MYO1C: variants seen among roughly 807,000 people sequenced by gnomAD.
MYO1C encodes myosin IC, also known as unconventional myosin-Ic.
A neutral mutation model predicts 150.8 loss-of-function variants in MYO1C; 104 were observed. The ratio of observed to expected loss-of-function variants is 0.69; its 90% CI spans 0.59 to 0.81. The LOEUF (loss-of-function observed/expected upper bound fraction) is 0.81. MYO1C is among the 30% of genes least tolerant of loss of function. The probability of loss-of-function intolerance (pLI) is 0.00; values close to 1 mark genes in which losing one functional copy is unlikely to be tolerated. For synonymous variants in MYO1C, 663 were observed against 579.9 expected, an observed-to-expected ratio of 1.14 and a Z score of -2.06; for missense variants, 1,504 against 1,435.0, an observed-to-expected ratio of 1.05 and a Z score of -0.78.
Position 1,492,567 on chromosome 17 carries a change from C to G in MYO1C, c.-80G>C. 1 of 1,361,336 alleles carries G rather than the reference C, an allele frequency of 7.3e-7. No individual in the cohort carries two copies. Among genetic ancestry groups the G allele is most frequent in the Middle Eastern group, 2.3e-4 (1 of 4,296 alleles). The allele number at this position is 1,361,336 out of a possible 1,614,324, so 84.3% of individuals were successfully genotyped here. Reference sequence around the variant, plus strand: ...CCTGCCCACTGGCGGGCTCCGACCACTCCGGGACCAGGAACCTACGGTCTA... The same window carrying G: ...CCTGCCCACTGGCGGGCTCCGACCAGTCCGGGACCAGGAACCTACGGTCTA... On this transcript the variant is annotated 5_prime_UTR_variant, in exon 1 of 32. Coordinates refer to ENST00000648651, the MANE Select transcript of MYO1C (RefSeq NM_001080779.2).
Position 1,468,269 on chromosome 17 carries a change from C to G in MYO1C, c.2744G>C (p.Gly915Ala). ...EISPRVLQAL[G>A]SEPIQYAVPV... ...GGCTCTTACCTGAATGGGCTCAGAG[C>G]CCAAGGCCTGCAGCACTCGGGGGCT... Residue 915 changes from glycine (G) to alanine (A), a missense_variant, in exon 27 of 32, where the codon GGC (glycine) becomes GCC (alanine). Gly to Ala is a moderately conservative substitution (Grantham distance 60). Transcript: ENST00000648651. 6.2e-7 allele frequency: 1 copy of G among 1,613,684 alleles called. No individual in the cohort carries two copies. The highest frequency in any genetic ancestry group is 8.5e-7 in the Non-Finnish European group (1 of 1,179,968).
chr17:1,483,494 T>A (rs918708673), intron 3 of MYO1C, 116 bp downstream of exon 3: 7 of 751,056 alleles, frequency 9.3e-6, no homozygotes, highest in Non-Finnish European at 1.3e-5. Context: ...GACTGTGGGA[T>A]TCCTCACAGA....
At chr17:1,477,480 C>T (rs1206952175) in intron 14 of MYO1C, 25 bp downstream of exon 14, 2 of 1,609,222 alleles carry the variant, frequency 1.2e-6, no homozygotes, top group Non-Finnish European at 1.7e-6. Context: ...GCCCTTGCCC[C>T]CAGCAGCCCC....
In MYO1C at chr17:1,474,648, C is replaced by T. The variant is rs559019503; in HGVS notation, c.1759G>A (p.Asp587Asn). Residue 587 changes from aspartate (D) to asparagine (N), a missense_variant, in exon 17 of 32, where the codon GAC becomes AAC. By Grantham distance (23) the Asp-to-Asn change is conservative. Transcript: ENST00000648651. ...TTCTTGTCACTGAGCTCGCTCCGGT[C>T]AAAGCACTGGCTCATAATGGGATTC... ...SKNPIMSQCFDRSELSDKKRP... is the reference protein window; with the variant it reads ...SKNPIMSQCFNRSELSDKKRP... The T allele has an allele frequency of 5.6e-6, 9 of 1,613,990 alleles. No individual in the cohort carries two copies. The highest frequency in any genetic ancestry group is 2.7e-5 in the African/African-American group (2 of 75,010).
Position 1,478,105 on chromosome 17 carries a change from G to A in MYO1C, c.1383C>T (p.Tyr461=), listed in dbSNP as rs371390190. The A allele has an allele frequency of 2.9e-5, 47 of 1,613,964 alleles. No homozygotes were observed. The highest frequency in any genetic ancestry group is 1.3e-4 in the East Asian group (6 of 44,890). Residue 461 remains tyrosine, a synonymous_variant, in exon 12 of 32, where the codon TAC becomes TAT. Coordinates refer to ENST00000648651, the MANE Select transcript of MYO1C (RefSeq NM_001080779.2). This position sits in a 1 kb window ranked among gnomAD's most constrained non-coding sequence, Gnocchi z 6.3. ...CACACACCGCGATGCCCTCTGCCTC[G>A]TACTCCTCCTGCTCCGACTTGAGCG... is the stretch of plus-strand genomic sequence containing the variant. ...ELTLKSEQEE[Y]EAEGIAWEPV...
rs1284377734 is a variant in MYO1C at position 1,467,533 on chromosome 17, G to C, written c.3012C>G (p.Thr1004=). 2 of 1,613,548 alleles carry C rather than the reference G, an allele frequency of 1.2e-6. No homozygotes were observed. Among genetic ancestry groups the C allele is most frequent in the Admixed American group, 1.7e-5 (1 of 60,006 alleles). The part of the protein sequence containing the change: ...LQSDHVIETL[T]KTALSANRVN... ...CGCGGTTGGCACTGAGGGCTGTCTT[G>C]GTCAGCGTCTCAATCACGTGGTCAC... is the stretch of plus-strand genomic sequence containing the variant. The change falls in exon 30 of 32, where the codon ACC becomes ACG. Residue 1004 remains threonine (T), a synonymous_variant. Transcript: ENST00000648651.
chr17:1,470,199 G>A lies in MYO1C; in HGVS notation c.2502C>T (p.Pro834=), dbSNP rs1254361995. Residue 834 remains proline (P), a synonymous_variant, in exon 24 of 32, where the codon CCC becomes CCT. Transcript: ENST00000648651. ...LPQNVLDTSW[P]TPPPALREAS... ...CCTCACGCAGGGCAGGTGGGGGCGTGGGCCACGAGGTGTCCAGGACATTCT... is the reference window on the plus strand; with the variant it reads ...CCTCACGCAGGGCAGGTGGGGGCGTAGGCCACGAGGTGTCCAGGACATTCT... 1.2e-6 allele frequency: 2 copies of A among 1,611,206 alleles called. No homozygotes were observed. The highest frequency in any genetic ancestry group is 1.7e-6 in the Non-Finnish European group (2 of 1,179,394).
intron 25 of MYO1C, chr17:1,469,304 T>TGGGGTAAATACAGTAGACC (rs2074246606): frequency 1.8e-6 from 1 of 569,332 alleles, no homozygotes; most frequent in Non-Finnish European, 3.2e-6. Context: ...ATACGGTAGG[T>TGGGGTAAATACAGTAGACC]GGGGTAAATA....
In MYO1C at chr17:1,492,443, G is replaced by A; in HGVS notation, c.45C>T (p.Arg15=). The A allele has an allele frequency of 1.2e-6, 2 of 1,607,894 alleles. No homozygotes were observed. Among genetic ancestry groups the A allele is most frequent in the East Asian group, 4.5e-5 (2 of 44,504 alleles). The change falls in exon 1 of 32, where the codon CGC becomes CGT. Residue 15 remains arginine, a synonymous_variant. Transcript: ENST00000648651. ...VELVPTGEII[R]VVHPHRPCKL... ...TGCAGGGCCTGTGGGGATGAACCAC[G>A]CGGATGATCTCCCCGGTGGGTACCA...
rs1044451735 is a variant in MYO1C at position 1,467,140 on chromosome 17, G to A, written c.3165+102C>T. ...TGGAAGAGGTGGTATGATGGCCTCT[G>A]GATGAAGGCCCATGGTGAGGTGCCT... On this transcript the variant is annotated intron_variant, in intron 31 of 31. Coordinates refer to ENST00000648651, the MANE Select transcript of MYO1C (RefSeq NM_001080779.2). The A allele has an allele frequency of 2.2e-5, 24 of 1,096,334 alleles. No homozygotes were observed. In the East Asian group the frequency reaches 2.3e-4, roughly 11 times the overall value. 67.9% of individuals were successfully genotyped at this position (1,096,334 alleles called of 1,614,324 possible). A position where few individuals can be genotyped will look rare whatever the true frequency, so the allele number is the denominator to read the frequency against.
chr17:1,472,785 T>C (rs2074330501), intron 17 of MYO1C, among the ~76,000 whole-genome samples: 2 of 149,718 alleles, frequency 1.3e-5, no homozygotes, highest in Non-Finnish European at 1.5e-5. Context: ...GACGCTCTGC[T>C]GAGCTTTAAA....
chr17:1,480,550 C>G lies in MYO1C; in HGVS notation c.883G>C (p.Asp295His). 1.2e-6 allele frequency: 2 copies of G among 1,614,140 alleles called. No homozygotes were observed. Among genetic ancestry groups the G allele is most frequent in the Non-Finnish European group, 1.7e-6 (2 of 1,180,018 alleles). The change falls in exon 7 of 32, where the codon GAT (aspartate) becomes CAT (histidine). Residue 295 changes from aspartate to histidine, a missense_variant. Physicochemically the swap from Asp to His is moderately conservative, Grantham distance 81. Transcript: ENST00000648651. ...ACCTCCACTTCATCCTCGGTGAAATCAATGACTGTCAGAGCCTTCCTGACG... is the reference window on the plus strand; with the variant it reads ...ACCTCCACTTCATCCTCGGTGAAATGAATGACTGTCAGAGCCTTCCTGACG... ...KVVRKALTVI[D>H]FTEDEVEDLL... is the part of the protein sequence containing the mutation.
chr17:1,479,745 C>CTCTCTGGCCCCTCT lies in MYO1C; in HGVS notation c.907-41_907-40insAGAGGGGCCAGAGA. ...CGGGGGCAGGAGGGGGTGAGAGGGG[C>CTCTCTGGCCCCTCT]CAGAGAGCCCCAAGAGGGCAACTAG... On this transcript the variant is annotated intron_variant, in intron 7 of 31. Coordinates refer to ENST00000648651, the MANE Select transcript of MYO1C (RefSeq NM_001080779.2). The surrounding 1 kb of genome is among the most constrained non-coding windows in gnomAD (Gnocchi z 4.2). 6.8e-7 allele frequency: 1 copy of CTCTCTGGCCCCTCT among 1,475,396 alleles called. No individual in the cohort carries two copies. The highest frequency in any genetic ancestry group is 9.3e-7 in the Non-Finnish European group (1 of 1,070,484). The allele number at this position is 1,475,396 out of a possible 1,614,324, so 91.4% of individuals were successfully genotyped here.
chr17:1,491,575 C>T (rs1446663385), intron 1 of MYO1C: 3 of 973,330 alleles, frequency 3.1e-6, no homozygotes, highest in African/African-American at 3.5e-5. Flanking sequence ...CCCGCGGCCG[C>T]CGTCCCCGCG....
chr17:1,487,727 G>C (rs1420566150), intron 1 of MYO1C, among the ~76,000 whole-genome samples: 1 of 152,206 alleles, frequency 6.6e-6, no homozygotes, highest in Admixed American at 6.5e-5. Flanking sequence ...AGACCAGCCT[G>C]ACCAGCATGG....
At chr17:1,469,325 A>T (rs74443252) in intron 25 of MYO1C, 1 of 562,914 alleles carries the variant, frequency 1.8e-6, no homozygotes. Context: ...CAGTAGACCG[A>T]GATAAATACG....
chr17:1,483,459 C>T, intron 3 of MYO1C, 151 bp downstream of exon 3: 1 of 652,880 alleles, frequency 1.5e-6, no homozygotes, highest in Non-Finnish European at 2.7e-6. Flanking sequence ...TTGCGACATT[C>T]ATCTCTGGTC....
intron 1 of MYO1C, among the ~76,000 whole-genome samples, chr17:1,486,578 C>T (rs776398569): frequency 1.3e-5 from 2 of 151,630 alleles, no homozygotes; most frequent in Non-Finnish European, 2.9e-5. Flanking sequence ...TTCAGTGGCG[C>T]GATCTCGGCT....
rs1431119665 is a variant in MYO1C at position 1,481,093 on chromosome 17, T to G, written c.628-208A>C. ...ATGGGGAGATTCAACTCCAACGACC[T>G]GGCTGCTCCACCTGGATGCCTGACA... is the stretch of plus-strand genomic sequence containing the variant. On this transcript the variant is annotated intron_variant, in intron 5 of 31. Transcript: ENST00000648651. 32 of 593,484 alleles carry G rather than the reference T, an allele frequency of 5.4e-5. 1 individual carries two copies. The highest frequency in any genetic ancestry group is 9.0e-5 in the Non-Finnish European group (30 of 334,022). 36.8% of individuals were successfully genotyped at this position (593,484 alleles called of 1,614,324 possible).
Sources: gnomAD v4.1 joint callset for allele counts (sites outside exome capture counted in the v4.1 genomes callset) on GRCh38, gnomAD v4.1.1 for gene constraint, Gnocchi (gnomAD v3.1) non-coding constraint, MANE v1.5 for transcripts, NCBI Gene and HGNC (gene_info 2026-07-23, HGNC 2026-07-21) for gene names.